Variants in H2AC21 observed in about 807,000 individuals in gnomAD.
H2AC21 encodes H2A clustered histone 21.
In H2AC21, 3 loss-of-function variants were observed where a neutral mutation model predicts 7.7. The ratio of observed to expected loss-of-function variants is 0.39; its 90% CI spans 0.18 to 1.01. H2AC21 has a LOEUF of 1.01. Ranked by LOEUF, H2AC21 falls within the 50% of genes least tolerant of loss-of-function variation. The probability of loss-of-function intolerance (pLI) is 0.36; values close to 1 mark genes in which losing one functional copy is unlikely to be tolerated. For missense variants in H2AC21, 173 were observed against 177.9 expected (o/e 0.97, Z 0.16); for synonymous variants, 119 against 84.2 (o/e 1.41, Z -2.26).
rs2092315753 is a variant in H2AC21, at chr1:149,887,650, C to T, written c.267G>A (p.Arg89=). 6.2e-7 allele frequency: 1 copy of T among 1,614,210 alleles called. No homozygotes were observed. Residue 89 remains arginine (R), a synonymous_variant, in exon 1 of 1, where the codon AGG becomes AGA. Coordinates refer to ENST00000331128, the MANE Select transcript of H2AC21 (RefSeq NM_175065.3). ...GTAACTTGTTGAGCTCTTCGTCATT[C>T]CTCACGGCTAGTTGCAGATGGCGAG... ...IIPRHLQLAV[R]NDEELNKLLG... is the part of the protein sequence containing the mutation.
chr1:149,887,726 A>C lies in H2AC21; in HGVS notation c.191T>G (p.Leu64Arg). ...AVLEYLTAEI[L>R]ELAGNAARDN... ...CCGAGCCGCGTTGCCCGCCAGCTCC[A>C]GAATTTCCGCGGTCAGGTACTCGAG... The change falls in exon 1 of 1, where the codon CTG becomes CGG. Residue 64 changes from leucine (L) to arginine (R), a missense_variant. By Grantham distance (102) the Leu-to-Arg change is moderately radical (BLOSUM62 -2). Coordinates refer to ENST00000331128, the MANE Select transcript of H2AC21 (RefSeq NM_175065.3). 1.9e-6 allele frequency: 3 copies of C among 1,614,236 alleles called. No homozygotes were observed. Among genetic ancestry groups the C allele is most frequent in the Non-Finnish European group, 2.5e-6 (3 of 1,180,040 alleles).
In H2AC21 at chr1:149,887,821, G is replaced by T. The variant is rs893953136; in HGVS notation, c.96C>A (p.His32Gln). 4 of 1,614,012 alleles carry T rather than the reference G, an allele frequency of 2.5e-6. No individual in the cohort carries two copies. Among genetic ancestry groups the T allele is most frequent in the Non-Finnish European group, 3.4e-6 (4 of 1,179,948 alleles). ...AGLQFPVGRV[H>Q]RLLRKGNYAE... ...CGTAGTTGCCTTTGCGCAGCAAGCGGTGCACTCGCCCCACCGGGAACTGGA... is the reference window on the plus strand; with the variant it reads ...CGTAGTTGCCTTTGCGCAGCAAGCGTTGCACTCGCCCCACCGGGAACTGGA... Residue 32 changes from histidine (H) to glutamine (Q), a missense_variant, in exon 1 of 1, where the codon CAC becomes CAA. By Grantham distance (24) the His-to-Gln change is conservative. Transcript: ENST00000331128.
At position 149,887,530 on chromosome 1, in the gene H2AC21, G is replaced by C. The variant is rs1235244720; in HGVS notation, c.387C>G (p.Asn129Lys). The C allele has an allele frequency of 6.2e-7, 1 of 1,610,422 alleles. No homozygotes were observed. The highest frequency in any genetic ancestry group is 8.5e-7 in the Non-Finnish European group (1 of 1,177,856). The stretch of plus-strand genomic sequence containing the variant: ...ATGGTGTCAAGCCTCTTAATTACTT[G>C]TTCTTGCCAGGCTTGTGACTCTCCG... ...KKTESHKPGK[N>K]K Residue 129 changes from asparagine to lysine, a missense_variant, in exon 1 of 1, where the codon AAC becomes AAG. Physicochemically the swap from Asn to Lys is moderately conservative, Grantham distance 94 (BLOSUM62 0). Coordinates refer to ENST00000331128, the MANE Select transcript of H2AC21 (RefSeq NM_175065.3).
At position 149,887,578 on chromosome 1, in the gene H2AC21, C is replaced by T. The variant is rs782783751; in HGVS notation, c.339G>A (p.Gln113=). Residue 113 remains glutamine, a synonymous_variant, in exon 1 of 1, where the codon CAG becomes CAA. Coordinates refer to ENST00000331128, the MANE Select transcript of H2AC21 (RefSeq NM_175065.3). ...IAQGGVLPNI[Q]AVLLPKKTES... ...CCGTTTTCTTGGGCAACAGGACAGCCTGGATATTGGGCAAGACGCCGCCCT... is the reference window on the plus strand; with the variant it reads ...CCGTTTTCTTGGGCAACAGGACAGCTTGGATATTGGGCAAGACGCCGCCCT... The T allele has an allele frequency of 5.0e-6, 8 of 1,613,658 alleles. No homozygotes were observed. The South Asian group carries it at 8.8e-5, about 18-fold the overall frequency.
rs1553760198 is a variant in H2AC21, at chr1:149,887,930, G to A, written c.-14C>T. 6.2e-7 allele frequency: 1 copy of A among 1,602,102 alleles called. No homozygotes were observed. The highest frequency in any genetic ancestry group is 1.3e-5 in the African/African-American group (1 of 74,518). The stretch of plus-strand genomic sequence containing the variant: ...GCGTCCTGACATTACGGCTAAAATT[G>A]CAGTTACAGCTTCTTTTACAAGGAG... On this transcript the variant is annotated 5_prime_UTR_variant, in exon 1 of 1. Coordinates refer to ENST00000331128, the MANE Select transcript of H2AC21 (RefSeq NM_175065.3).
chr1:149,887,873 G>C lies in H2AC21; in HGVS notation c.44C>G (p.Ala15Gly). The C allele has an allele frequency of 6.2e-7, 1 of 1,613,776 alleles. No homozygotes were observed. The highest frequency in any genetic ancestry group is 2.2e-5 in the East Asian group (1 of 44,876). The change falls in exon 1 of 1, where the codon GCC (alanine) becomes GGC (glycine). Residue 15 changes from alanine (A) to glycine (G), a missense_variant. Transcript: ENST00000331128. ...ACCAGCGCGGGACGAGCGCGACTTG[G>C]CCTTAGCGCGGGCCTTGCCTCCCTG... ...GKQGGKARAK[A>G]KSRSSRAGLQ...
At position 149,887,899 on chromosome 1, in the gene H2AC21, C is replaced by T. The variant is rs1553760184; in HGVS notation, c.18G>A (p.Lys6=). The T allele has an allele frequency of 2.5e-6, 4 of 1,612,068 alleles. No homozygotes were observed. The highest frequency in any genetic ancestry group is 2.5e-6 in the Non-Finnish European group (3 of 1,178,974). ...CCTTAGCGCGGGCCTTGCCTCCCTG[C>T]TTTCCGCGTCCTGACATTACGGCTA... is the stretch of plus-strand genomic sequence containing the variant. MSGRG[K]QGGKARAKAK... is the part of the protein sequence containing the mutation. Residue 6 remains lysine (K), a synonymous_variant, in exon 1 of 1, where the codon AAG becomes AAA. Coordinates refer to ENST00000331128, the MANE Select transcript of H2AC21 (RefSeq NM_175065.3).
chr1:149,887,512 C>T lies in H2AC21; in HGVS notation c.*12G>A. The T allele has an allele frequency of 6.2e-7, 1 of 1,604,842 alleles. No homozygotes were observed. On this transcript the variant is annotated 3_prime_UTR_variant, in exon 1 of 1. Coordinates refer to ENST00000331128, the MANE Select transcript of H2AC21 (RefSeq NM_175065.3). Reference sequence around the variant, plus strand: ...CCTTTGGGGTGAATGAGTATGGTGTCAAGCCTCTTAATTACTTGTTCTTGC... The same window carrying T: ...CCTTTGGGGTGAATGAGTATGGTGTTAAGCCTCTTAATTACTTGTTCTTGC...
At position 149,887,622 on chromosome 1, in the gene H2AC21, C is replaced by G. The variant is rs1553760084; in HGVS notation, c.295G>C (p.Gly99Arg). 1 of 1,614,218 alleles carries G rather than the reference C, an allele frequency of 6.2e-7. No homozygotes were observed. Among genetic ancestry groups the G allele is most frequent in the Non-Finnish European group, 8.5e-7 (1 of 1,180,042 alleles). ...RNDEELNKLL[G>R]GVTIAQGGVL... ...CCGCCCTGGGCAATGGTGACACCCCCGAGTAACTTGTTGAGCTCTTCGTCA... is the reference window on the plus strand; with the variant it reads ...CCGCCCTGGGCAATGGTGACACCCCGGAGTAACTTGTTGAGCTCTTCGTCA... The change falls in exon 1 of 1, where the codon GGG (glycine) becomes CGG (arginine). Residue 99 changes from glycine to arginine, a missense_variant. Gly to Arg is a moderately radical substitution (Grantham distance 125). Transcript: ENST00000331128.
Sources: gnomAD v4.1 joint callset for allele counts on GRCh38, gnomAD v4.1.1 for gene constraint, MANE v1.5 for transcripts, NCBI Gene and HGNC (gene_info 2026-07-23, HGNC 2026-07-21) for gene names.